The following ERCC1 variants were observed in gnomAD, a reference collection of about 807,000 sequenced individuals.
The protein encoded by ERCC1 is DNA excision repair protein ERCC-1.
ERCC1 carries 36 observed loss-of-function variants against 37.6 expected under a neutral mutation model. That is an observed-to-expected ratio of 0.96 (90% CI 0.73 to 1.26). ERCC1 has a LOEUF of 1.26. ERCC1 is among the 50% of genes most tolerant of loss of function. The pLI, the probability that ERCC1 is intolerant of heterozygous loss-of-function variation, is 0.00. For missense variants in ERCC1, 349 were observed against 376.5 expected (o/e 0.93, Z 0.60); for synonymous variants, 156 against 162.1 (o/e 0.96, Z 0.28).
chr19:45,447,545 G>C (rs144917155), intron 1 of ERCC1, among the ~76,000 whole-genome samples: 7 of 152,192 alleles, frequency 4.6e-5, no homozygotes, highest in African/African-American at 1.7e-4. Context: ...AAAGTGATGG[G>C]ATTACAGGCG....
intron 1 of ERCC1, among the ~76,000 whole-genome samples, chr19:45,449,687 G>A (rs1020019032): frequency 1.3e-5 from 2 of 151,904 alleles, no homozygotes; most frequent in East Asian, 1.9e-4. Context: ...CAAAATGGCC[G>A]GGCGCGGTGG....
intron 1 of ERCC1, among the ~76,000 whole-genome samples, chr19:45,444,660 G>A (rs992362513): frequency 9.9e-5 from 15 of 152,230 alleles, no homozygotes; most frequent in African/African-American, 3.6e-4. Context: ...GGAGGCCGAA[G>A]CAACAGGGAA....
In ERCC1 at chr19:45,409,390, G is replaced by C; in HGVS notation, c.*285C>G. On this transcript the variant is annotated 3_prime_UTR_variant, in exon 10 of 10. Transcript: ENST00000300853. ...AGAGTCAGGAAAGCCGGATGCCAGA[G>C]ACAGTGCCCCAAGAGGAGATGCCAG... 1 of 1,614,056 alleles carries C rather than the reference G, an allele frequency of 6.2e-7. No homozygotes were observed. Among genetic ancestry groups the C allele is most frequent in the Non-Finnish European group, 8.5e-7 (1 of 1,180,024 alleles).
rs1486453089 is a variant in ERCC1, at chr19:45,408,310, C to G, written c.*1365G>C. 4.3e-6 allele frequency: 7 copies of G among 1,611,672 alleles called. No homozygotes were observed. The highest frequency in any genetic ancestry group is 2.2e-5 in the East Asian group (1 of 44,838). On this transcript the variant is annotated 3_prime_UTR_variant, in exon 10 of 10. Transcript: ENST00000300853. ...CCTGTGCCTCAGCCCCCCAGGGCAC[C>G]CTAAGGATCCTTGAGGGTCCCCAGC... is the stretch of plus-strand genomic sequence containing the variant.
At chr19:45,428,133 G>C (rs1265257097), upstream of ERCC1, among the ~76,000 whole-genome samples, 1 of 127,486 alleles carries the variant, frequency 7.8e-6, no homozygotes, top group Non-Finnish European at 1.5e-5. Context: ...ACCCAGACTA[G>C]AGTGCGGTGG....
Position 45,408,940 on chromosome 19 carries a change from G to A in ERCC1, c.*735C>T. On this transcript the variant is annotated 3_prime_UTR_variant, in exon 10 of 10. Coordinates refer to ENST00000300853, the MANE Select transcript of ERCC1 (RefSeq NM_001983.4). ...AGCCACTGGAGGAAGCCATCCCTCT[G>A]CCCCCTACGAAGAAGAGGAAAAAAG... 1 of 1,614,094 alleles carries A rather than the reference G, an allele frequency of 6.2e-7. No individual in the cohort carries two copies. Among genetic ancestry groups the A allele is most frequent in the Non-Finnish European group, 8.5e-7 (1 of 1,180,010 alleles).
rs1301044585 is a variant in ERCC1, at chr19:45,420,131, G to A, written c.425+193C>T. On this transcript the variant is annotated intron_variant, in intron 4 of 9. Coordinates refer to ENST00000300853, the MANE Select transcript of ERCC1 (RefSeq NM_001983.4). This position sits in a 1 kb window ranked among gnomAD's most constrained non-coding sequence, Gnocchi z 4.8. ...TCCTTCCTGAGACCCAGGAGTTCGGGCTCCAGCTCTTGTTGCACTGGGCAC... is the reference window on the plus strand; with the variant it reads ...TCCTTCCTGAGACCCAGGAGTTCGGACTCCAGCTCTTGTTGCACTGGGCAC... 6.6e-6 allele frequency among the ~76,000 whole-genome samples: 1 copy of A among 152,040 alleles called. No individual in the cohort carries two copies. Among genetic ancestry groups the A allele is most frequent in the Non-Finnish European group, 1.5e-5 (1 of 68,002 alleles).
rs745896122 is a variant in ERCC1 at position 45,409,203 on chromosome 19, T to C, written c.*472A>G. 1.9e-6 allele frequency: 3 copies of C among 1,613,108 alleles called. No homozygotes were observed. The highest frequency in any genetic ancestry group is 2.2e-5 in the South Asian group (2 of 90,978). On this transcript the variant is annotated 3_prime_UTR_variant, in exon 10 of 10. Coordinates refer to ENST00000300853, the MANE Select transcript of ERCC1 (RefSeq NM_001983.4). The stretch of plus-strand genomic sequence containing the variant: ...GTGGGGCCTGAGCTGCCGGATGACC[T>C]TGAGCCTCAGGCAGCTCCCACATCC...
upstream of ERCC1, among the ~76,000 whole-genome samples, chr19:45,428,114 C>T (rs1974744891): frequency 8.1e-6 from 1 of 122,760 alleles, no homozygotes; most frequent in South Asian, 2.5e-4. Flanking sequence ...GACGGAGTCT[C>T]TCTCTGTCAC....
At chr19:45,428,083 C>CTTTT (rs5828235), upstream of ERCC1, among the ~76,000 whole-genome samples, 772 of 115,840 alleles carry the variant, frequency 6.7e-3, 21 homozygotes, top group African/African-American at 0.012. Context: ...TTCTTTCTTT[C>CTTTT]TTTTTTTTTT....
intron 1 of ERCC1, among the ~76,000 whole-genome samples, chr19:45,448,906 G>T (rs1004383964): frequency 6.6e-6 from 1 of 152,062 alleles, no homozygotes; most frequent in Admixed American, 6.6e-5. Context: ...AGCAATCTCA[G>T]CCTTACCAAG....
At chr19:45,438,507 C>T (rs1975039844) in intron 1 of ERCC1, among the ~76,000 whole-genome samples, 1 of 152,136 alleles carries the variant, frequency 6.6e-6, no homozygotes, top group African/African-American at 2.4e-5. Context: ...GTCGCCCAGG[C>T]TGGAGTGCAG....
At chr19:45,436,163 T>C (rs1164033888) in intron 1 of ERCC1, among the ~76,000 whole-genome samples, 2 of 152,090 alleles carry the variant, frequency 1.3e-5, no homozygotes, top group Non-Finnish European at 2.9e-5. Context: ...TCAGTCTCCA[T>C]CCTCTCTCTG....
At position 45,408,309 on chromosome 19, in the gene ERCC1, C is replaced by G; in HGVS notation, c.*1366G>C. On this transcript the variant is annotated 3_prime_UTR_variant, in exon 10 of 10. Transcript: ENST00000300853. ...ACCTGTGCCTCAGCCCCCCAGGGCA[C>G]CCTAAGGATCCTTGAGGGTCCCCAG... 3.7e-6 allele frequency: 6 copies of G among 1,611,742 alleles called. No homozygotes were observed. Among genetic ancestry groups the G allele is most frequent in the Non-Finnish European group, 5.1e-6 (6 of 1,178,556 alleles).
At chr19:45,432,744 G>A (rs1338484255) in intron 1 of ERCC1, among the ~76,000 whole-genome samples, 2 of 152,182 alleles carry the variant, frequency 1.3e-5, no homozygotes, top group African/African-American at 2.4e-5. Flanking sequence ...GTCTTGCTAT[G>A]TTGCCCAGGC....
intron 1 of ERCC1, among the ~76,000 whole-genome samples, chr19:45,436,483 G>A (rs916680068): frequency 5.3e-5 from 8 of 152,048 alleles, no homozygotes; most frequent in South Asian, 2.1e-4. Flanking sequence ...AAAATTAGCC[G>A]GGCATGGTGG....
In ERCC1 at chr19:45,423,790, G is replaced by A. The variant is rs1974590180; in HGVS notation, c.-17C>T. 17 of 1,126,720 alleles carry A rather than the reference G, an allele frequency of 1.5e-5. No individual in the cohort carries two copies. The highest frequency in any genetic ancestry group is 4.5e-5 in the Admixed American group (1 of 22,330). 69.8% of individuals were successfully genotyped at this position (1,126,720 alleles called of 1,614,324 possible). A position where few individuals can be genotyped will look rare whatever the true frequency, so the allele number is the denominator to read the frequency against. On this transcript the variant is annotated 5_prime_UTR_variant, in exon 1 of 10. Transcript: ENST00000300853. ...TCTCCGCCTCCCGCACCTGTGGTCC[G>A]GGCCTCACGGTTTCAGCGCCGCGAG... is the stretch of plus-strand genomic sequence containing the variant.
intron 1 of ERCC1, among the ~76,000 whole-genome samples, chr19:45,433,688 TA>T (rs529620736): frequency 0.041 from 5,482 of 133,004 alleles, 98 homozygotes; most frequent in Middle Eastern, 0.07. Flanking sequence ...ACTCTGTCTT[TA>T]AAAAAAAAAA....
intron 1 of ERCC1, 108 bp from the exon 2 acceptor site, chr19:45,423,489 A>G (rs1974567827): frequency 2.0e-6 from 3 of 1,502,638 alleles, no homozygotes; most frequent in Non-Finnish European, 2.7e-6. Flanking sequence ...CGAGAGCTCC[A>G]TAGCGTCAGG....
Sources: gnomAD v4.1 joint callset for allele counts (sites outside exome capture counted in the v4.1 genomes callset) on GRCh38, gnomAD v4.1.1 for gene constraint, Gnocchi (gnomAD v3.1) non-coding constraint, MANE v1.5 for transcripts, NCBI Gene and HGNC (gene_info 2026-07-23, HGNC 2026-07-21) for gene names.